The following HTT-AS variants were observed in gnomAD, a reference collection of about 807,000 sequenced individuals.
HTT-AS encodes the protein HTT antisense RNA.
intron 2 of HTT-AS, among the ~76,000 whole-genome samples, chr4:3,053,855 G>A (rs1711757377): frequency 6.6e-6 from 1 of 151,592 alleles, no homozygotes; most frequent in Admixed American, 6.6e-5. Context: ...GCCTCTCGGG[G>A]TTCAAGCAAT....
At chr4:3,052,631 T>A (rs1024156373) in intron 2 of HTT-AS, among the ~76,000 whole-genome samples, 38 of 152,132 alleles carry the variant, frequency 2.5e-4, no homozygotes, top group Admixed American at 2.5e-3. Flanking sequence ...ACTTTAGGGA[T>A]GTCTAATGGC....
At chr4:3,055,947 C>G (rs1418001997) in intron 2 of HTT-AS, among the ~76,000 whole-genome samples, 1 of 152,190 alleles carries the variant, frequency 6.6e-6, no homozygotes, top group Admixed American at 6.5e-5. Flanking sequence ...TGGACCCATC[C>G]ATTTTCTTTG....
At chr4:3,049,669 G>T (rs775283045) in exon 3 of HTT-AS, among the ~76,000 whole-genome samples, 82 of 152,102 alleles carry the variant, frequency 5.4e-4, no homozygotes, top group Non-Finnish European at 9.8e-4. Flanking sequence ...GTCTTTCTCT[G>T]ATGTTCTCAG....
chr4:3,064,144 G>A (rs2110123522), intron 1 of HTT-AS, among the ~76,000 whole-genome samples: 1 of 147,252 alleles, frequency 6.8e-6, no homozygotes, highest in African/African-American at 2.5e-5. Flanking sequence ...TGCCCAGGCT[G>A]GAGTGCAATG....
At chr4:3,061,486 G>A (rs1711924632) in intron 2 of HTT-AS, among the ~76,000 whole-genome samples, 1 of 151,838 alleles carries the variant, frequency 6.6e-6, no homozygotes, top group Non-Finnish European at 1.5e-5. Flanking sequence ...TTTGAGAGCA[G>A]CCCGGCCAAC....
chr4:3,065,242 C>CT (rs1355565873), intron 1 of HTT-AS, among the ~76,000 whole-genome samples: 21 of 150,654 alleles, frequency 1.4e-4, no homozygotes, highest in African/African-American at 5.2e-4. Flanking sequence ...TAGTTTCTTT[C>CT]TTCTTTTTTT....
At chr4:3,062,729 G>A (rs973816616) in exon 2 of HTT-AS, among the ~76,000 whole-genome samples, 1 of 151,876 alleles carries the variant, frequency 6.6e-6, no homozygotes, top group East Asian at 1.9e-4. Context: ...TTTATCATTA[G>A]AACAGACTCT....
intron 1 of HTT-AS, among the ~76,000 whole-genome samples, chr4:3,065,984 A>C (rs1382026439): frequency 6.6e-6 from 1 of 152,230 alleles, no homozygotes; most frequent in African/African-American, 2.4e-5. Context: ...GGACGATAGA[A>C]TCCGTTTCTA....
At chr4:3,050,904 T>C (rs1272611515) in intron 2 of HTT-AS, among the ~76,000 whole-genome samples, 4 of 152,178 alleles carry the variant, frequency 2.6e-5, no homozygotes, top group African/African-American at 7.2e-5. Context: ...AAAGACTATT[T>C]TGAAGCTGAA....
chr4:3,047,341 A>G (rs991286176), downstream of HTT-AS, among the ~76,000 whole-genome samples: 1 of 152,168 alleles, frequency 6.6e-6, no homozygotes, highest in African/African-American at 2.4e-5. Flanking sequence ...AAACAAAACA[A>G]AACAAAAAGA....
chr4:3,046,174 T>C (rs1711582994), downstream of HTT-AS, among the ~76,000 whole-genome samples: 1 of 152,196 alleles, frequency 6.6e-6, no homozygotes. Context: ...CAATGAACGA[T>C]TCACGAATTG....
chr4:3,064,312 C>A (rs1712001693), intron 1 of HTT-AS, among the ~76,000 whole-genome samples: 2 of 151,926 alleles, frequency 1.3e-5, no homozygotes, highest in African/African-American at 2.4e-5. Flanking sequence ...ACCAGGCTGG[C>A]CTCAAACTCC....
At chr4:3,065,131 T>C (rs1712017878) in intron 1 of HTT-AS, among the ~76,000 whole-genome samples, 1 of 152,226 alleles carries the variant, frequency 6.6e-6, no homozygotes, top group Admixed American at 6.5e-5. Flanking sequence ...ACTCCTTCTT[T>C]AGCATGATAA....
chr4:3,046,942 C>T (rs1560527428), downstream of HTT-AS, among the ~76,000 whole-genome samples: 3 of 152,304 alleles, frequency 2.0e-5, 1 homozygote, highest in East Asian at 5.8e-4. Flanking sequence ...GGGCGGCAAG[C>T]CACCCAGCTG....
chr4:3,074,484 G>C (rs1198661260), exon 1 of HTT-AS: 2 of 239,176 alleles, frequency 8.4e-6, no homozygotes, highest in Non-Finnish European at 1.6e-5. Context: ...CCTTCGCCCG[G>C]GTGGGGCGCT....
At position 3,067,075 on chromosome 4, in the gene HTT-AS, G is replaced by A. The variant is rs185478375; in HGVS notation, n.114-3375C>T. ...ATACTTTAGAGTCAGTATAAATTAC[G>A]GTCCCGAAAACTGCAGAATTCCAGA... On this transcript the variant is annotated intron_variant and non_coding_transcript_variant, in intron 1 of 2. Coordinates refer to ENST00000664062, the Ensembl canonical transcript of HTT-AS. Among the ~76,000 whole-genome samples, 267 of 152,236 alleles carry A rather than the reference G, an allele frequency of 1.8e-3. 4 individuals are homozygous for A. Among genetic ancestry groups the A allele is most frequent in the Non-Finnish European group, 5.6e-4 (38 of 68,020 alleles).
At chr4:3,057,774 T>C (rs934179484) in intron 2 of HTT-AS, among the ~76,000 whole-genome samples, 15 of 151,606 alleles carry the variant, frequency 9.9e-5, no homozygotes, top group African/African-American at 3.6e-4. Flanking sequence ...GCTGGGACTA[T>C]AGGCGCCCGC....
downstream of HTT-AS, among the ~76,000 whole-genome samples, chr4:3,046,862 A>G (rs1711596619): frequency 6.6e-6 from 1 of 152,166 alleles, no homozygotes; most frequent in African/African-American, 2.4e-5. Context: ...CTCAGTCCAA[A>G]ACAATGGCCT....
chr4:3,070,046 GC>G (rs1712135149), intron 1 of HTT-AS: 1 of 152,354 alleles, frequency 6.6e-6, no homozygotes, highest in South Asian at 2.1e-4. Context: ...CCCTCTGGCT[GC>G]TTTCAAGGCC....
Sources: gnomAD v4.1 joint callset for allele counts (sites outside exome capture counted in the v4.1 genomes callset) on GRCh38, gnomAD v4.1.1 for gene constraint, MANE v1.5 for transcripts, NCBI Gene and HGNC (gene_info 2026-07-23, HGNC 2026-07-21) for gene names.